Variants in ARAP1 observed in about 807,000 individuals in gnomAD.
ARAP1 encodes arf-GAP with Rho-GAP domain, ANK repeat and PH domain-containing protein 1.
A neutral mutation model predicts 172.2 loss-of-function variants in ARAP1; 76 were observed. That is an observed-to-expected ratio of 0.44 (90% CI 0.37 to 0.53). The LOEUF (loss-of-function observed/expected upper bound fraction) is 0.53. Ranked by LOEUF, ARAP1 falls within the 20% of genes least tolerant of loss-of-function variation. The pLI is 0.00. For synonymous variants in ARAP1, 804 were observed against 803.3 expected (o/e 1.00, Z -0.01); for missense variants, 1,686 against 1,977.5 (o/e 0.85, Z 2.80).
chr11:72,714,121 C>T (rs1857168239), intron 4 of ARAP1, 31 bp downstream of exon 4: 1 of 1,434,076 alleles, frequency 7.0e-7, no homozygotes, highest in Non-Finnish European at 9.1e-7. Context: ...GCCATCCACC[C>T]AGAGCCCCAT....
In ARAP1 at chr11:72,712,628, G is replaced by A. The variant is rs374534135; in HGVS notation, c.748-60C>T. 8.2e-4 allele frequency: 1,316 copies of A among 1,604,948 alleles called. 3 individuals carry two copies. The highest frequency in any genetic ancestry group is 1.4e-3 in the South Asian group (128 of 91,030). ...TTCAAGCCACAGATCACACCCACCCGGGGCTGCCACGCCCCCTCTGTCCAC... is the reference window on the plus strand; with the variant it reads ...TTCAAGCCACAGATCACACCCACCCAGGGCTGCCACGCCCCCTCTGTCCAC... On this transcript the variant is annotated intron_variant, in intron 5 of 34. Coordinates refer to ENST00000393609, the MANE Select transcript of ARAP1 (RefSeq NM_001040118.3).
intron 34 of ARAP1, 42 bp from the exon 35 acceptor site, chr11:72,685,723 C>T (rs2135479072): frequency 1.2e-6 from 2 of 1,613,634 alleles, no homozygotes; most frequent in East Asian, 2.2e-5. Flanking sequence ...TGTGAAGGCC[C>T]AGAGGGGCTG....
At position 72,693,761 on chromosome 11, in the gene ARAP1, C is replaced by T. The variant is rs771101869; in HGVS notation, c.3739G>A (p.Gly1247Arg). 5.2e-5 allele frequency: 84 copies of T among 1,609,890 alleles called. No homozygotes were observed. The highest frequency in any genetic ancestry group is 5.9e-5 in the Non-Finnish European group (69 of 1,178,230). The change falls in exon 28 of 35, where the codon GGG becomes AGG. Residue 1247 changes from glycine to arginine, a missense_variant. Gly to Arg is a moderately radical substitution (Grantham distance 125). Transcript: ENST00000393609. The surrounding 1 kb of genome is among the most constrained non-coding windows in gnomAD (Gnocchi z 4.6). ...ACCAGGTGGCTGTCCGTGCCCAGCC[C>T]GTGCAGGATGGGCAGCACCTTCTCC... The part of the protein sequence containing the change: ...FAEKVLPILH[G>R]LGTDSHLVVK...
In ARAP1 at chr11:72,697,207, C is replaced by T. The variant is rs1856241590; in HGVS notation, c.2954-12G>A. On this transcript the variant is annotated splice_polypyrimidine_tract_variant and intron_variant, in intron 21 of 34. Transcript: ENST00000393609. ...CTCGGAGGTCAGGCCTAGGGAGGGG[C>T]GGGGCCAAGCGTTCGGGGCCTGAGG... The T allele has an allele frequency of 7.0e-7, 1 of 1,428,342 alleles. No individual in the cohort carries two copies. Among genetic ancestry groups the T allele is most frequent in the Non-Finnish European group, 9.3e-7 (1 of 1,072,938 alleles). The allele number at this position is 1,428,342 out of a possible 1,614,324, so 88.5% of individuals were successfully genotyped here.
At chr11:72,687,528 T>C in intron 32 of ARAP1, 26 bp from the exon 33 acceptor site, 4 of 1,614,102 alleles carry the variant, frequency 2.5e-6, no homozygotes, top group Non-Finnish European at 3.4e-6. Context: ...CGGACCCACA[T>C]GATGCCAAAG....
chr11:72,743,472 G>T (rs1260320513), intron 1 of ARAP1, among the ~76,000 whole-genome samples: 2 of 152,158 alleles, frequency 1.3e-5, no homozygotes, highest in African/African-American at 4.8e-5. Flanking sequence ...CAGGGGCAGG[G>T]TCTGCAGAGG....
intron 30 of ARAP1, among the ~76,000 whole-genome samples, chr11:72,690,959 C>A (rs77539302): frequency 0.03 from 4,563 of 152,312 alleles, 209 homozygotes; most frequent in African/African-American, 0.1. Context: ...AGTTGATAAC[C>A]CCGTGGTAAC....
Position 72,703,097 on chromosome 11 carries a change from A to G in ARAP1, c.1993-18T>C. 2 of 1,535,202 alleles carry G rather than the reference A, an allele frequency of 1.3e-6. No homozygotes were observed. Among genetic ancestry groups the G allele is most frequent in the Admixed American group, 2.1e-5 (1 of 47,112 alleles). ...CACAGGGCCTAGGAAGAGGCAGGGG[A>G]GGGTCAGCCCAAGAAGGAGTAGGGG... On this transcript the variant is annotated intron_variant, in intron 14 of 34. Coordinates refer to ENST00000393609, the MANE Select transcript of ARAP1 (RefSeq NM_001040118.3).
chr11:72,740,984 C>G (rs976570302), intron 1 of ARAP1, among the ~76,000 whole-genome samples: 1 of 152,076 alleles, frequency 6.6e-6, no homozygotes, highest in Non-Finnish European at 1.5e-5. Flanking sequence ...GTCTAACATA[C>G]CTCACTTGCA....
At position 72,695,583 on chromosome 11, in the gene ARAP1, T is replaced by C. The variant is rs985517608; in HGVS notation, c.3466A>G (p.Ile1156Val). 6.8e-6 allele frequency: 11 copies of C among 1,613,988 alleles called. No individual in the cohort carries two copies. The highest frequency in any genetic ancestry group is 9.3e-6 in the Non-Finnish European group (11 of 1,180,028). ...GTGCCAGCCACGCGCATCTTCACAA[T>C]GGCAGTGATCTCCTCCCGCTGCTTC... ...LRKQREEITA[I>V]VKMRVAGTAS... Residue 1156 changes from isoleucine (I) to valine (V), a missense_variant, in exon 25 of 35, where the codon ATT (isoleucine) becomes GTT (valine). Coordinates refer to ENST00000393609, the MANE Select transcript of ARAP1 (RefSeq NM_001040118.3). This position sits in a 1 kb window ranked among gnomAD's most constrained non-coding sequence, Gnocchi z 4.4.
rs1435117993 is a variant in ARAP1, at chr11:72,697,782, GAC to G, written c.2737+127_2737+128del. On this transcript the variant is annotated intron_variant, in intron 19 of 34. Coordinates refer to ENST00000393609, the MANE Select transcript of ARAP1 (RefSeq NM_001040118.3). ...TGGGGTGGCTGAGATGCACCCCAAG[GAC>G]ATGAGAGGGCAGGATGGCGGCTCTG... 6 of 1,504,760 alleles carry G rather than the reference GAC, an allele frequency of 4.0e-6. No homozygotes were observed. In the African/African-American group the frequency reaches 6.9e-5, roughly 17 times the overall value. 93.2% of individuals were successfully genotyped at this position (1,504,760 alleles called of 1,614,324 possible).
chr11:72,709,817 A>G (rs1437075809), intron 11 of ARAP1, 53 bp downstream of exon 11: 3 of 1,588,710 alleles, frequency 1.9e-6, no homozygotes, highest in Admixed American at 3.3e-5. Context: ...GCGCAAAAGG[A>G]AAACATTAGG....
At chr11:72,705,256 T>C (rs1172210740) in intron 13 of ARAP1, 1 of 154,428 alleles carries the variant, frequency 6.5e-6, no homozygotes, top group Non-Finnish European at 1.4e-5. Flanking sequence ...CACATATATA[T>C]ACCCACTGGT....
intron 1 of ARAP1, among the ~76,000 whole-genome samples, chr11:72,735,398 G>A (rs531658570): frequency 6.6e-6 from 1 of 151,934 alleles, no homozygotes; most frequent in South Asian, 2.1e-4. Context: ...ATCACTTGAG[G>A]TCAGGAGTTC....
Position 72,727,101 on chromosome 11 carries a change from A to G in ARAP1, c.28T>C (p.Ser10Pro). The G allele has an allele frequency of 1.3e-6, 2 of 1,593,200 alleles. No homozygotes were observed. The highest frequency in any genetic ancestry group is 1.7e-6 in the Non-Finnish European group (2 of 1,165,688). The stretch of plus-strand genomic sequence containing the variant: ...AATGCCCGCAGCCACTCGGCCACCG[A>G]TAGCGCAGCATCCCCAGCCTCTGCC... MAEAGDAAL[S>P]VAEWLRALHL... Residue 10 changes from serine to proline, a missense_variant, in exon 3 of 35, where the codon TCG (serine) becomes CCG (proline). Physicochemically the swap from Ser to Pro is moderately conservative, Grantham distance 74 (BLOSUM62 -1). Around this residue, in one of 5 missense-constraint regions of ARAP1, gnomAD observed 190 missense variants for 228.6 expected, o/e 0.83. Transcript: ENST00000393609.
rs374905867 is a variant in ARAP1 at position 72,705,855 on chromosome 11, C to T, written c.1759G>A (p.Val587Met). The change falls in exon 13 of 35, where the codon GTG becomes ATG. Residue 587 changes from valine (V) to methionine (M), a missense_variant. Coordinates refer to ENST00000393609, the MANE Select transcript of ARAP1 (RefSeq NM_001040118.3). ...TTCCTGTCCATCTTCAGGCTCCGCA[C>T]CTTGGAGACGCCAGCGCCCAGGCCA... is the stretch of plus-strand genomic sequence containing the variant. ...HRGLGAGVSK[V>M]RSLKMDRKVW... is the part of the protein sequence containing the mutation. The T allele has an allele frequency of 1.7e-4, 272 of 1,614,034 alleles. 1 individual carries two copies. The highest frequency in any genetic ancestry group is 2.1e-4 in the Non-Finnish European group (247 of 1,179,998).
rs535538397 is a variant in ARAP1 at position 72,711,479 on chromosome 11, C to T, written c.1043G>A (p.Arg348Gln). 9 of 1,612,724 alleles carry T rather than the reference C, an allele frequency of 5.6e-6. No homozygotes were observed. The highest frequency in any genetic ancestry group is 4.5e-5 in the East Asian group (2 of 44,808). Residue 348 changes from arginine (R) to glutamine (Q), a missense_variant, in exon 8 of 35, where the codon CGA becomes CAA. Coordinates refer to ENST00000393609, the MANE Select transcript of ARAP1 (RefSeq NM_001040118.3). Reference protein sequence around the residue: ...PPQGSYIYQKRWVRLDTDHLR... With the variant: ...PPQGSYIYQKQWVRLDTDHLR... ...GTGATCAGTATCCAGTCTCACCCAT[C>T]GTTTCTGATAGATGTAAGATCTGGA...
intron 13 of ARAP1, chr11:72,705,063 T>G (rs1421405473): frequency 6.6e-6 from 1 of 152,358 alleles, no homozygotes; most frequent in Non-Finnish European, 1.5e-5. Context: ...TGCAAAGTCC[T>G]TAGCACTTAT....
rs1456029733 is a variant in ARAP1 at position 72,710,381 on chromosome 11, G to T, written c.1416+4C>A. ...AGGGGAGAGGTTCCATGACCCCTTA[G>T]CACCTCTAGATTCTTGTAGAGCTGC... On this transcript the variant is annotated splice_donor_region_variant and intron_variant, in intron 10 of 34. Coordinates refer to ENST00000393609, the MANE Select transcript of ARAP1 (RefSeq NM_001040118.3). This position sits in a 1 kb window ranked among gnomAD's most constrained non-coding sequence, Gnocchi z 4.3. The T allele has an allele frequency of 1.2e-6, 2 of 1,613,804 alleles. No homozygotes were observed. The highest frequency in any genetic ancestry group is 1.7e-6 in the Non-Finnish European group (2 of 1,179,888).
Sources: gnomAD v4.1 joint callset for allele counts (sites outside exome capture counted in the v4.1 genomes callset) on GRCh38, gnomAD v4.1.1 for gene constraint, gnomAD v4.1.1 regional missense constraint, Gnocchi (gnomAD v3.1) non-coding constraint, MANE v1.5 for transcripts, NCBI Gene and HGNC (gene_info 2026-07-23, HGNC 2026-07-21) for gene names.